The following DIO1 variants were observed in gnomAD, a reference collection of about 807,000 sequenced individuals.
DIO1 encodes the protein type I iodothyronine deiodinase.
Under a neutral mutation model 25.9 loss-of-function variants are expected in DIO1, and 17 were observed. The observed-to-expected ratio is 0.66, with a 90% CI of 0.45 to 0.98. DIO1 has a LOEUF of 0.98. Ranked by LOEUF, DIO1 falls within the 50% of genes least tolerant of loss-of-function variation. The pLI is 0.00. For missense variants in DIO1, 270 were observed against 310.4 expected (o/e 0.87, Z 0.98); for synonymous variants, 115 against 114.0 (o/e 1.01, Z -0.05).
At chr1:53,900,471 G>T (rs1313780333) in intron 1 of DIO1, among the ~76,000 whole-genome samples, 1 of 152,182 alleles carries the variant, frequency 6.6e-6, no homozygotes, top group African/African-American at 2.4e-5. Context: ...AGGCATGGTG[G>T]TGCACGCTTG....
chr1:53,899,023 C>T (rs539435109), intron 1 of DIO1, among the ~76,000 whole-genome samples: 9 of 152,276 alleles, frequency 5.9e-5, no homozygotes, highest in East Asian at 1.9e-4. Flanking sequence ...CTACTGGATA[C>T]GACAGCAGGA....
chr1:53,909,963 G>A lies in DIO1; in HGVS notation c.714G>A (p.Glu238=). The change falls in exon 4 of 4, where the codon GAG becomes GAA. Residue 238 remains glutamate (E), a synonymous_variant. Transcript: ENST00000361921. The part of the protein sequence containing the change: ...GKSGPWNYNP[E]EVRAVLEKLH... ...CTGGCCCTTGGAACTACAACCCAGA[G>A]GAAGTTCGTGCTGTTCTGGAAAAGC... 1 of 1,614,182 alleles carries A rather than the reference G, an allele frequency of 6.2e-7. No homozygotes were observed. The highest frequency in any genetic ancestry group is 1.3e-5 in the African/African-American group (1 of 75,030).
chr1:53,902,749 T>A (rs1651432052), intron 1 of DIO1, among the ~76,000 whole-genome samples: 2 of 151,782 alleles, frequency 1.3e-5, no homozygotes, highest in South Asian at 4.1e-4. Context: ...GCTGGCTTCA[T>A]GGACATGGGA....
Position 53,894,434 on chromosome 1 carries a change from TGAAG to T in DIO1, c.226_229del (p.Lys76SerfsTer6). 6.2e-7 allele frequency: 1 copy of T among 1,614,202 alleles called. No individual in the cohort carries two copies. The highest frequency in any genetic ancestry group is 1.3e-5 in the African/African-American group (1 of 75,048). ...AGCACCCAGTATTTCTGGTTCGTCT[TGAAG>T]GTCCGTTGGCAGCGACTAGAGGACA... On this transcript the variant is annotated frameshift_variant, in exon 1 of 4. Coordinates refer to ENST00000361921, the MANE Select transcript of DIO1 (RefSeq NM_000792.7). LOFTEE classifies it high-confidence loss of function. This position sits in a 1 kb window ranked among gnomAD's most constrained non-coding sequence, Gnocchi z 4.9.
Position 53,897,142 on chromosome 1 carries a change from T to C in DIO1, c.337+2595T>C, listed in dbSNP as rs142361608. Among the ~76,000 whole-genome samples, 45 of 152,376 alleles carry C rather than the reference T, an allele frequency of 3.0e-4. No homozygotes were observed. In the South Asian group the frequency reaches 5.0e-3, roughly 17 times the overall value. On this transcript the variant is annotated intron_variant, in intron 1 of 3. Coordinates refer to ENST00000361921, the MANE Select transcript of DIO1 (RefSeq NM_000792.7). Reference sequence around the variant, plus strand: ...ATTCATGGAATGTACTTGCATCATGTAACTGTCCACTTTCAGTGAGGCAGT... The same window carrying C: ...ATTCATGGAATGTACTTGCATCATGCAACTGTCCACTTTCAGTGAGGCAGT...
At chr1:53,904,553 G>A (rs1210073941) in intron 1 of DIO1, 113 bp from the exon 2 acceptor site, 2 of 1,350,684 alleles carry the variant, frequency 1.5e-6, no homozygotes, top group Non-Finnish European at 2.0e-6. Context: ...CCATCCTGGG[G>A]TGGGGGGTAG....
intron 1 of DIO1, among the ~76,000 whole-genome samples, chr1:53,901,893 T>C (rs959981423): frequency 1.5e-5 from 2 of 137,854 alleles, no homozygotes; most frequent in African/African-American, 5.7e-5. Context: ...CAAGATCTCA[T>C]CTCTCAAAAA....
intron 1 of DIO1, among the ~76,000 whole-genome samples, chr1:53,902,583 A>G (rs1286997344): frequency 6.6e-6 from 1 of 151,846 alleles, no homozygotes; most frequent in African/African-American, 2.4e-5. Context: ...ACACTTAAAC[A>G]GGCCATGTCA....
intron 3 of DIO1, among the ~76,000 whole-genome samples, chr1:53,908,364 T>C (rs1390334859): frequency 6.6e-6 from 1 of 152,234 alleles, no homozygotes; most frequent in African/African-American, 2.4e-5. Context: ...ACGCCTTTTC[T>C]GTATAGGGCC....
intron 3 of DIO1, 140 bp downstream of exon 3, chr1:53,906,434 G>A (rs776389300): frequency 1.7e-4 from 120 of 716,324 alleles, no homozygotes; most frequent in Non-Finnish European, 2.5e-4. Flanking sequence ...ATGGGCGAGT[G>A]CTTTCACTTC....
chr1:53,899,449 C>T (rs1651245712), intron 1 of DIO1, among the ~76,000 whole-genome samples: 1 of 152,178 alleles, frequency 6.6e-6, no homozygotes, highest in South Asian at 2.1e-4. Context: ...TGCCAGCCCC[C>T]ATGCACCCAT....
At chr1:53,904,276 T>C (rs1030340376) in intron 1 of DIO1, among the ~76,000 whole-genome samples, 1 of 152,180 alleles carries the variant, frequency 6.6e-6, no homozygotes, top group Non-Finnish European at 1.5e-5. Context: ...GGAGCAAATG[T>C]GTAAAACTCA....
chr1:53,902,081 T>C (rs1651397709), intron 1 of DIO1, among the ~76,000 whole-genome samples: 1 of 151,840 alleles, frequency 6.6e-6, no homozygotes, highest in Non-Finnish European at 1.5e-5. Context: ...TATGCCGGGT[T>C]CCTGCCAGTG....
At chr1:53,907,008 C>T (rs183409554) in intron 3 of DIO1, among the ~76,000 whole-genome samples, 4 of 152,270 alleles carry the variant, frequency 2.6e-5, no homozygotes, top group East Asian at 3.9e-4. Context: ...TCCAAGGTCA[C>T]GCTGGGCAAG....
At chr1:53,904,317 A>C (rs2100774496) in intron 1 of DIO1, among the ~76,000 whole-genome samples, 1 of 152,336 alleles carries the variant, frequency 6.6e-6, no homozygotes, top group East Asian at 1.9e-4. Flanking sequence ...GGGGGAAAAA[A>C]TGACCAACCT....
rs559045964 is a variant in DIO1, at chr1:53,894,452, G to T, written c.242G>T (p.Arg81Leu). 2.5e-6 allele frequency: 4 copies of T among 1,614,060 alleles called. No individual in the cohort carries two copies. Among genetic ancestry groups the T allele is most frequent in the Non-Finnish European group, 3.4e-6 (4 of 1,180,052 alleles). Residue 81 changes from arginine (R) to leucine (L), a missense_variant, in exon 1 of 4, where the codon CGA (arginine) becomes CTA (leucine). Arg to Leu is a moderately radical substitution (Grantham distance 102). Transcript: ENST00000361921. The surrounding 1 kb of genome is among the most constrained non-coding windows in gnomAD (Gnocchi z 4.9). Reference sequence around the variant, plus strand: ...TTCGTCTTGAAGGTCCGTTGGCAGCGACTAGAGGACACGACTGAGCTAGGG... The same window carrying T: ...TTCGTCTTGAAGGTCCGTTGGCAGCTACTAGAGGACACGACTGAGCTAGGG... ...FWFVLKVRWQRLEDTTELGGL... is the reference protein window; with the variant it reads ...FWFVLKVRWQLLEDTTELGGL...
In DIO1 at chr1:53,897,162, G is replaced by A. The variant is rs151283590; in HGVS notation, c.337+2615G>A. 5.7e-4 allele frequency among the ~76,000 whole-genome samples: 87 copies of A among 152,360 alleles called. 1 individual carries two copies. The highest frequency in any genetic ancestry group is 2.0e-3 in the African/African-American group (83 of 41,590). On this transcript the variant is annotated intron_variant, in intron 1 of 3. Transcript: ENST00000361921. The stretch of plus-strand genomic sequence containing the variant: ...TCATGTAACTGTCCACTTTCAGTGA[G>A]GCAGTTTACATTTTAAAGACTGTTG...
At chr1:53,902,941 G>A (rs567158681) in intron 1 of DIO1, 6 of 151,564 alleles carry the variant, frequency 4.0e-5, no homozygotes, top group Admixed American at 6.6e-5. Context: ...GAAACCCTAC[G>A]GGACAATGGA....
chr1:53,901,693 G>T (rs1299946087), intron 1 of DIO1, among the ~76,000 whole-genome samples: 1 of 152,158 alleles, frequency 6.6e-6, no homozygotes, highest in Admixed American at 6.6e-5. Context: ...GGAATTCTAA[G>T]TAGGAAGGAG....
Sources: gnomAD v4.1 joint callset for allele counts (sites outside exome capture counted in the v4.1 genomes callset) on GRCh38, gnomAD v4.1.1 for gene constraint, Gnocchi (gnomAD v3.1) non-coding constraint, MANE v1.5 for transcripts, NCBI Gene and HGNC (gene_info 2026-07-23, HGNC 2026-07-21) for gene names.